GPR107: variants seen among roughly 807,000 people sequenced by gnomAD.
GPR107 encodes the protein protein GPR107.
In GPR107, 31 loss-of-function variants were observed where a neutral mutation model predicts 75.5. The ratio of observed to expected loss-of-function variants is 0.41; its 90% CI spans 0.31 to 0.55. The LOEUF is 0.55. GPR107 is among the 20% of genes least tolerant of loss of function. The probability of loss-of-function intolerance (pLI) is 0.26; values close to 1 mark genes in which losing one functional copy is unlikely to be tolerated. For missense variants in GPR107, 572 were observed against 665.7 expected (o/e 0.86, Z 1.55); for synonymous variants, 267 against 251.3 (o/e 1.06, Z -0.59).
chr9:130,127,287 A>G (rs1466921761), intron 15 of GPR107, among the ~76,000 whole-genome samples, 196 bp from the exon 16 acceptor site: 1 of 152,190 alleles, frequency 6.6e-6, no homozygotes, highest in African/African-American at 2.4e-5. Flanking sequence ...CTGGAGAGAG[A>G]GAAGAAATTC....
At chr9:130,061,216 G>GACAGCTAGCTTC (rs1829918406) in intron 1 of GPR107, among the ~76,000 whole-genome samples, 1 of 152,188 alleles carries the variant, frequency 6.6e-6, no homozygotes, top group Non-Finnish European at 1.5e-5. Context: ...CATTCTAGTG[G>GACAGCTAGCTTC]TAATGGACAG....
chr9:130,078,496 C>A (rs1186930223), intron 4 of GPR107, among the ~76,000 whole-genome samples: 2 of 152,222 alleles, frequency 1.3e-5, no homozygotes, highest in East Asian at 3.8e-4. Context: ...CTGTATTGGT[C>A]AGTCTACTTT....
chr9:130,105,577 G>A (rs942764039), intron 13 of GPR107, among the ~76,000 whole-genome samples: 1 of 150,778 alleles, frequency 6.6e-6, no homozygotes, highest in Non-Finnish European at 1.5e-5. Flanking sequence ...TTATTGCAAT[G>A]CCCCATCCAG....
chr9:130,115,652 C>G (rs888018596), intron 14 of GPR107, among the ~76,000 whole-genome samples: 4 of 144,422 alleles, frequency 2.8e-5, no homozygotes, highest in Non-Finnish European at 4.5e-5. Flanking sequence ...GTAGTGCCAG[C>G]TACTCGGGAG....
rs201269689 is a variant in GPR107 at position 130,108,485 on chromosome 9, C to T, written c.1306+946C>T. ...AATTAAACATGACTTTGAGGCTTCA[C>T]GCCAGGGTCAGCCCTAGGTTGTTAT... is the stretch of plus-strand genomic sequence containing the variant. On this transcript the variant is annotated intron_variant, in intron 14 of 17. Transcript: ENST00000347136. 4.6e-5 allele frequency among the ~76,000 whole-genome samples: 7 copies of T among 152,376 alleles called. No individual in the cohort carries two copies. The East Asian group carries it at 5.8e-4, about 13-fold the overall frequency.
intron 9 of GPR107, among the ~76,000 whole-genome samples, chr9:130,097,952 G>A (rs775906109): frequency 3.3e-5 from 5 of 152,120 alleles, no homozygotes; most frequent in Non-Finnish European, 5.9e-5. Flanking sequence ...CACAGTCACG[G>A]CTCATTGCAG....
intron 1 of GPR107, among the ~76,000 whole-genome samples, chr9:130,059,959 C>T (rs982286254): frequency 6.6e-6 from 1 of 151,680 alleles, no homozygotes; most frequent in Non-Finnish European, 1.5e-5. Context: ...AGTCTGGTCT[C>T]GAACTCCTGA....
intron 14 of GPR107, among the ~76,000 whole-genome samples, chr9:130,120,300 A>G (rs1032126483): frequency 6.6e-6 from 1 of 152,150 alleles, no homozygotes; most frequent in Non-Finnish European, 1.5e-5. Context: ...AGCGGCTCAT[A>G]GCCCACCTCC....
intron 9 of GPR107, among the ~76,000 whole-genome samples, chr9:130,097,886 T>TTTGAGACCG (rs1225394973): frequency 6.6e-6 from 1 of 151,656 alleles, no homozygotes; most frequent in Non-Finnish European, 1.5e-5. Context: ...TTTTGTTTGT[T>TTTGAGACCG]TTGAGACCGT....
Position 130,107,557 on chromosome 9 carries a change from C to T in GPR107, c.1306+18C>T. ...TGGAAAAGGCAAGTTCTCTCGTGCT[C>T]ATTTTGTGTTGCTCAGCTTGCTCTG... On this transcript the variant is annotated intron_variant, in intron 14 of 17. Coordinates refer to ENST00000347136, the MANE Select transcript of GPR107 (RefSeq NM_020960.5). The T allele has an allele frequency of 6.5e-7, 1 of 1,543,474 alleles. No individual in the cohort carries two copies.
At position 130,135,862 on chromosome 9, in the gene GPR107, T is replaced by C. The variant is rs1831944697; in HGVS notation, c.*741T>C. ...GTGGTTTTCTGACTGAGATGTTGCCTGATGGATGGAAAGAAATGTATTTTT... is the reference window on the plus strand; with the variant it reads ...GTGGTTTTCTGACTGAGATGTTGCCCGATGGATGGAAAGAAATGTATTTTT... On this transcript the variant is annotated 3_prime_UTR_variant, in exon 18 of 18. Coordinates refer to ENST00000347136, the MANE Select transcript of GPR107 (RefSeq NM_020960.5). 1 of 152,230 alleles carries C rather than the reference T, an allele frequency of 6.6e-6. No individual in the cohort carries two copies. The highest frequency in any genetic ancestry group is 1.5e-5 in the Non-Finnish European group (1 of 68,074). 9.4% of individuals were successfully genotyped at this position (152,230 alleles called of 1,614,324 possible).
At chr9:130,109,862 C>T (rs1250867452) in intron 14 of GPR107, among the ~76,000 whole-genome samples, 5 of 152,242 alleles carry the variant, frequency 3.3e-5, no homozygotes, top group African/African-American at 1.2e-4. Context: ...AGCCCCCGCG[C>T]CCGGCTAGGC....
At chr9:130,107,605 G>A (rs891995574) in intron 14 of GPR107, 66 bp downstream of exon 14, 26 of 978,736 alleles carry the variant, frequency 2.7e-5, no homozygotes, top group East Asian at 2.1e-4. Context: ...GCGGCACTGC[G>A]GAGGAGTGGA....
At chr9:130,063,824 T>G (rs1409826970) in intron 1 of GPR107, among the ~76,000 whole-genome samples, 1 of 151,122 alleles carries the variant, frequency 6.6e-6, no homozygotes, top group Non-Finnish European at 1.5e-5. Flanking sequence ...TTTTTTTTTT[T>G]TTGAGGGTCA....
chr9:130,116,233 G>C (rs571230693), intron 14 of GPR107, among the ~76,000 whole-genome samples: 2 of 152,328 alleles, frequency 1.3e-5, no homozygotes, highest in African/African-American at 2.4e-5. Context: ...AGAGGGCCTG[G>C]TTAGTGGTCC....
At chr9:130,134,927 A>G in intron 17 of GPR107, 98 bp from the exon 18 acceptor site, 3 of 743,840 alleles carry the variant, frequency 4.0e-6, no homozygotes, top group Non-Finnish European at 7.1e-6. Context: ...TCAAAAACCA[A>G]CACCCATCAT....
At chr9:130,102,250 G>A (rs779576956) in intron 12 of GPR107, among the ~76,000 whole-genome samples, 4 of 152,114 alleles carry the variant, frequency 2.6e-5, no homozygotes, top group Admixed American at 6.5e-5. Flanking sequence ...TTCGGCTGTC[G>A]AGCCACCGTG....
chr9:130,061,189 G>A (rs546403439), intron 1 of GPR107, among the ~76,000 whole-genome samples: 5 of 152,240 alleles, frequency 3.3e-5, no homozygotes, highest in African/African-American at 9.6e-5. Flanking sequence ...ACTAAGCCCC[G>A]ACCTTTGTGG....
chr9:130,079,868 G>A (rs1014286280), intron 5 of GPR107, 99 bp downstream of exon 5: 9 of 663,366 alleles, frequency 1.4e-5, no homozygotes, highest in Admixed American at 3.7e-5. Flanking sequence ...ATCTGTTGTC[G>A]TCTTAGCATT....
Sources: gnomAD v4.1 joint callset for allele counts (sites outside exome capture counted in the v4.1 genomes callset) on GRCh38, gnomAD v4.1.1 for gene constraint, MANE v1.5 for transcripts, NCBI Gene and HGNC (gene_info 2026-07-23, HGNC 2026-07-21) for gene names.